The following DDX46 variants were observed in gnomAD, a reference collection of about 807,000 sequenced individuals.
DDX46 encodes DEAD-box helicase 46, also known as probable ATP-dependent RNA helicase DDX46.
A neutral mutation model predicts 134.9 loss-of-function variants in DDX46; 30 were observed. That is an observed-to-expected ratio of 0.22 (90% CI 0.17 to 0.30). The LOEUF is 0.30. DDX46 is among the 10% of genes least tolerant of loss of function. The probability of loss-of-function intolerance (pLI) is 1.00; values close to 1 mark genes in which losing one functional copy is unlikely to be tolerated. For missense variants in DDX46, 622 were observed against 1,248.7 expected, an observed-to-expected ratio of 0.50 and a Z score of 7.56; for synonymous variants, 415 against 404.1, an observed-to-expected ratio of 1.03 and a Z score of -0.32.
rs750658196 is a variant in DDX46 at position 134,794,959 on chromosome 5, T to C, written c.1736T>C (p.Ile579Thr). The C allele has an allele frequency of 5.0e-6, 8 of 1,614,168 alleles. No homozygotes were observed. The highest frequency in any genetic ancestry group is 6.8e-6 in the Non-Finnish European group (8 of 1,180,024). The change falls in exon 14 of 23, where the codon ATT becomes ACT. Residue 579 changes from isoleucine (I) to threonine (T), a missense_variant. This residue lies in a region of DDX46 where 209 missense variants were observed against 508.4 expected (regional missense o/e 0.41). Coordinates refer to ENST00000452510, the MANE Select transcript of DDX46 (RefSeq NM_001300860.2). ...ALARRILSKP[I>T]EVQVGGRSVV... ...GCTCGCAGGATCCTCAGTAAACCTA[T>C]TGAAGTACAAGTTGGAGGCAGGAGT...
chr5:134,783,579 C>T (rs1334877759), intron 9 of DDX46, among the ~76,000 whole-genome samples: 2 of 21,134 alleles, frequency 9.5e-5, no homozygotes, highest in Non-Finnish European at 1.8e-4. Context: ...GACGGAGTTT[C>T]ACTCTCGTTG....
chr5:134,816,726 T>C lies in DDX46; in HGVS notation c.2613+120T>C, dbSNP rs1219632945. On this transcript the variant is annotated intron_variant, in intron 19 of 22. Coordinates refer to ENST00000452510, the MANE Select transcript of DDX46 (RefSeq NM_001300860.2). ...CCTAGACATTGAGTTTGTGAGAATT[T>C]AACATTCTCAATACAGAATTTTTTG... 5.9e-6 allele frequency: 6 copies of C among 1,014,712 alleles called. No individual in the cohort carries two copies. In the Admixed American group the frequency reaches 1.7e-4, roughly 29 times the overall value. 62.9% of individuals were successfully genotyped at this position (1,014,712 alleles called of 1,614,324 possible).
intron 18 of DDX46, among the ~76,000 whole-genome samples, chr5:134,812,237 G>A (rs1755165938): frequency 6.6e-6 from 1 of 151,616 alleles, no homozygotes; most frequent in African/African-American, 2.4e-5. Context: ...GCTAATTTTT[G>A]TATTTTTAGT....
At chr5:134,795,346 C>T (rs1580800593) in intron 14 of DDX46, among the ~76,000 whole-genome samples, 1 of 151,630 alleles carries the variant, frequency 6.6e-6, no homozygotes, top group Non-Finnish European at 1.5e-5. Context: ...GTGGTGACCT[C>T]CCGGTAACAG....
chr5:134,770,748 G>C (rs971606691), intron 3 of DDX46, among the ~76,000 whole-genome samples, 155 bp from the exon 4 acceptor site: 2 of 151,214 alleles, frequency 1.3e-5, no homozygotes, highest in Admixed American at 1.3e-4. Flanking sequence ...GGAGGTGGAG[G>C]TTGCAGTGAG....
At chr5:134,810,636 G>A (rs558884929) in intron 16 of DDX46, among the ~76,000 whole-genome samples, 1 of 151,636 alleles carries the variant, frequency 6.6e-6, no homozygotes, top group Non-Finnish European at 1.5e-5. Context: ...GAGCCACTGC[G>A]TCCAGCCAAT....
rs778234927 is a variant in DDX46 at position 134,826,818 on chromosome 5, G to A, written c.2978-129G>A. The stretch of plus-strand genomic sequence containing the variant: ...GGTAATGTTCCACCAGGCATTAAAT[G>A]GCTATCTTGGCAGGCAGTACAGTGT... On this transcript the variant is annotated intron_variant, in intron 21 of 22. Transcript: ENST00000452510. 1.8e-4 allele frequency: 130 copies of A among 726,202 alleles called. 1 individual carries two copies. The highest frequency in any genetic ancestry group is 2.5e-4 in the Middle Eastern group (1 of 4,050). The allele number at this position is 726,202 out of a possible 1,614,324, so 45.0% of individuals were successfully genotyped here.
chr5:134,828,287 TG>T (rs1189325416), intron 22 of DDX46, among the ~76,000 whole-genome samples: 5 of 152,014 alleles, frequency 3.3e-5, no homozygotes, highest in Non-Finnish European at 7.4e-5. Context: ...TAATGAAAAG[TG>T]GGTTCACAAA....
intron 14 of DDX46, 133 bp from the exon 15 acceptor site, chr5:134,795,855 A>G: frequency 1.2e-6 from 1 of 840,830 alleles, no homozygotes; most frequent in Non-Finnish European, 1.8e-6. Flanking sequence ...ATTAAAATCA[A>G]CATCTTCCTA....
intron 3 of DDX46, among the ~76,000 whole-genome samples, chr5:134,770,258 T>C (rs1276883293): frequency 6.6e-6 from 1 of 151,156 alleles, no homozygotes; most frequent in Non-Finnish European, 1.5e-5. Context: ...TCACCCAAGC[T>C]TGAGTGCAGT....
rs1288914435 is a variant in DDX46 at position 134,829,905 on chromosome 5, G to A, written c.*1199G>A. The A allele has an allele frequency of 7.0e-6, 1 of 143,482 alleles. No homozygotes were observed. Among genetic ancestry groups the A allele is most frequent in the African/African-American group, 3.0e-5 (1 of 33,894 alleles). The allele number at this position is 143,482 out of a possible 1,614,324, so 8.9% of individuals were successfully genotyped here. ...AGATAACACCATTGCACTCCAGCCT[G>A]GGCGACAGAGTGAGACTATCTCAAA... On this transcript the variant is annotated 3_prime_UTR_variant, in exon 23 of 23. Transcript: ENST00000452510.
chr5:134,786,163 T>C (rs545927959), intron 11 of DDX46, among the ~76,000 whole-genome samples: 52 of 152,232 alleles, frequency 3.4e-4, no homozygotes, highest in African/African-American at 1.2e-3. Context: ...TTACATGTTC[T>C]TACCACAAAA....
At chr5:134,789,360 C>G (rs1395945793) in intron 12 of DDX46, 1 of 152,116 alleles carries the variant, frequency 6.6e-6, no homozygotes, top group African/African-American at 2.4e-5. Flanking sequence ...CTTATTTTGG[C>G]ACTTTTTATT....
At chr5:134,791,485 C>T (rs368872413) in intron 13 of DDX46, among the ~76,000 whole-genome samples, 5 of 151,492 alleles carry the variant, frequency 3.3e-5, no homozygotes, top group African/African-American at 9.7e-5. Context: ...GGCGTGAACC[C>T]GGGCGGCGGA....
intron 18 of DDX46, among the ~76,000 whole-genome samples, chr5:134,814,340 T>A (rs539531141): frequency 6.6e-6 from 1 of 152,330 alleles, no homozygotes; most frequent in South Asian, 2.1e-4. Flanking sequence ...AACTGTTTTT[T>A]AAAATCTTGT....
chr5:134,814,395 A>G (rs1202885974), intron 18 of DDX46, among the ~76,000 whole-genome samples: 2 of 152,210 alleles, frequency 1.3e-5, no homozygotes, highest in Admixed American at 6.5e-5. Flanking sequence ...AGTAATATAT[A>G]ATTTTATGAA....
At chr5:134,769,327 G>GTTTTTTTT (rs1026334806) in intron 3 of DDX46, among the ~76,000 whole-genome samples, 3 of 100,480 alleles carry the variant, frequency 3.0e-5, no homozygotes, top group African/African-American at 8.3e-5. Context: ...TATTTTCAAG[G>GTTTTTTTT]TTTTTTTTTT....
intron 22 of DDX46, among the ~76,000 whole-genome samples, chr5:134,828,300 CAA>C (rs1289827461): frequency 1.3e-5 from 2 of 151,998 alleles, no homozygotes; most frequent in Admixed American, 1.3e-4. Context: ...GTTCACAAAA[CAA>C]GAGGGAAAAA....
At chr5:134,799,972 G>A (rs1754778123) in intron 15 of DDX46, among the ~76,000 whole-genome samples, 1 of 152,022 alleles carries the variant, frequency 6.6e-6, no homozygotes, top group African/African-American at 2.4e-5. Flanking sequence ...TTTTTAGATG[G>A]AATGTCGCTC....
Sources: allele counts gnomAD v4.1 joint callset (sites outside exome capture counted in the v4.1 genomes callset), GRCh38; gene constraint gnomAD v4.1.1; regional missense constraint gnomAD v4.1.1; transcripts MANE v1.5; gene names NCBI Gene and HGNC (gene_info 2026-07-23, HGNC 2026-07-21).